Variants in LTBP1 observed in about 807,000 individuals in gnomAD.
LTBP1 encodes latent transforming growth factor beta binding protein 1, also known as latent-transforming growth factor beta-binding protein 1.
LTBP1 carries 129 observed loss-of-function variants against 207.6 expected under a neutral mutation model. That is an observed-to-expected ratio of 0.62 (90% CI 0.54 to 0.72). The LOEUF is 0.72. LTBP1 is among the 30% of genes least tolerant of loss of function. The pLI is 0.00. For synonymous variants in LTBP1, 963 were observed against 833.7 expected (o/e 1.16, Z -2.67); for missense variants, 2,281 against 2,217.2 (o/e 1.03, Z -0.58).
chr2:33,203,077 T>C (rs1342436232), intron 7 of LTBP1, among the ~76,000 whole-genome samples: 1 of 152,264 alleles, frequency 6.6e-6, no homozygotes, highest in Non-Finnish European at 1.5e-5. Flanking sequence ...CTGAGTCTCT[T>C]GTGGCTCTAA....
chr2:33,391,214 G>T (rs895923902), intron 32 of LTBP1, among the ~76,000 whole-genome samples: 2 of 152,006 alleles, frequency 1.3e-5, no homozygotes, highest in Non-Finnish European at 2.9e-5. Flanking sequence ...GCCAGGAGCA[G>T]TGCCAGCCTC....
At chr2:33,234,944 A>T (rs1477917103) in intron 9 of LTBP1, among the ~76,000 whole-genome samples, 1 of 152,148 alleles carries the variant, frequency 6.6e-6, no homozygotes, top group Non-Finnish European at 1.5e-5. Context: ...AACCATAAAA[A>T]CCCTAGAAGA....
intron 3 of LTBP1, among the ~76,000 whole-genome samples, chr2:33,105,176 C>G (rs1044968277): frequency 6.6e-6 from 1 of 152,174 alleles, no homozygotes; most frequent in Non-Finnish European, 1.5e-5. Context: ...CTGGGAAATA[C>G]TGAGGGTTCA....
At chr2:33,027,350 T>C (rs1201002934) in intron 3 of LTBP1, among the ~76,000 whole-genome samples, 1 of 152,228 alleles carries the variant, frequency 6.6e-6, no homozygotes, top group African/African-American at 2.4e-5. Context: ...TTACCATTTT[T>C]GGTTTGTGGT....
intron 5 of LTBP1, among the ~76,000 whole-genome samples, chr2:33,185,726 C>T (rs1558775068): frequency 6.6e-6 from 1 of 152,002 alleles, no homozygotes; most frequent in African/African-American, 2.4e-5. Flanking sequence ...CATTCATGAC[C>T]CTAGCAAGAA....
At chr2:33,371,961 G>A (rs2095073307) in intron 31 of LTBP1, among the ~76,000 whole-genome samples, 1 of 152,204 alleles carries the variant, frequency 6.6e-6, no homozygotes, top group South Asian at 2.1e-4. Context: ...TACTGTGTAT[G>A]CTACTTGCCC....
intron 2 of LTBP1, among the ~76,000 whole-genome samples, chr2:32,966,008 G>A (rs556331165): frequency 5.9e-5 from 9 of 152,236 alleles, no homozygotes; most frequent in Admixed American, 5.2e-4. Flanking sequence ...TGTCATCAGT[G>A]TTTTGGATTT....
At chr2:33,094,558 T>G (rs2079286797) in intron 3 of LTBP1, among the ~76,000 whole-genome samples, 1 of 152,216 alleles carries the variant, frequency 6.6e-6, no homozygotes, top group African/African-American at 2.4e-5. Flanking sequence ...ACAACTGGCC[T>G]CCTTCAAGAA....
chr2:33,190,697 G>A (rs950112611), intron 7 of LTBP1, among the ~76,000 whole-genome samples: 2 of 152,172 alleles, frequency 1.3e-5, no homozygotes, highest in Non-Finnish European at 2.9e-5. Flanking sequence ...GCAAATATTA[G>A]CTTAGAGAAT....
At chr2:33,065,565 G>GA (rs367546891) in intron 3 of LTBP1, among the ~76,000 whole-genome samples, 15,543 of 146,840 alleles carry the variant, frequency 0.11, 952 homozygotes, top group Non-Finnish European at 0.15. Flanking sequence ...TTCTCTACAG[G>GA]AAAAAAAAAA....
At chr2:33,232,689 C>G (rs981864208) in intron 9 of LTBP1, among the ~76,000 whole-genome samples, 3 of 152,108 alleles carry the variant, frequency 2.0e-5, no homozygotes, top group African/African-American at 7.2e-5. Flanking sequence ...AAGTACATCT[C>G]AAATTATTTA....
At chr2:33,292,995 C>T (rs1184775297) in intron 19 of LTBP1, among the ~76,000 whole-genome samples, 165 bp from the exon 20 acceptor site, 1 of 152,190 alleles carries the variant, frequency 6.6e-6, no homozygotes, top group Non-Finnish European at 1.5e-5. Flanking sequence ...CCATTTAGCT[C>T]ACGACAAGCT....
At chr2:33,281,645 G>A (rs577774566) in intron 19 of LTBP1, among the ~76,000 whole-genome samples, 13 of 152,268 alleles carry the variant, frequency 8.5e-5, no homozygotes, top group East Asian at 3.9e-4. Context: ...TAGCTGGTAC[G>A]GAGAGCTCCG....
chr2:33,139,944 A>G (rs1474020634), intron 5 of LTBP1, among the ~76,000 whole-genome samples: 1 of 152,232 alleles, frequency 6.6e-6, no homozygotes, highest in Non-Finnish European at 1.5e-5. Flanking sequence ...TTACTCTTTG[A>G]GAATTTACTA....
chr2:33,019,206 A>G (rs760139733), intron 2 of LTBP1, among the ~76,000 whole-genome samples: 2 of 152,080 alleles, frequency 1.3e-5, no homozygotes, highest in Non-Finnish European at 2.9e-5. Flanking sequence ...GTAAAAGGTG[A>G]GCTGACAGCA....
At chr2:33,195,750 C>G (rs1376602474) in intron 7 of LTBP1, among the ~76,000 whole-genome samples, 1 of 152,184 alleles carries the variant, frequency 6.6e-6, no homozygotes, top group Non-Finnish European at 1.5e-5. Flanking sequence ...GAAAGCAGTT[C>G]TAGCATGGGT....
intron 3 of LTBP1, among the ~76,000 whole-genome samples, chr2:33,074,752 C>T (rs1467405118): frequency 5.9e-5 from 9 of 152,134 alleles, no homozygotes; most frequent in Non-Finnish European, 1.5e-5. Context: ...CGCCTGTAGT[C>T]CCTGCTAGTC....
intron 3 of LTBP1, among the ~76,000 whole-genome samples, chr2:33,085,620 G>C (rs2078702178): frequency 6.6e-6 from 1 of 152,068 alleles, no homozygotes; most frequent in African/African-American, 2.4e-5. Flanking sequence ...ATAACCCTAT[G>C]ACACATTTAT....
chr2:33,138,214 G>A (rs1299207350), intron 5 of LTBP1, among the ~76,000 whole-genome samples: 3 of 152,126 alleles, frequency 2.0e-5, no homozygotes, highest in African/African-American at 2.4e-5. Flanking sequence ...AGGTATTTTC[G>A]CATGACTATT....
Sources: gnomAD v4.1 joint callset for allele counts (sites outside exome capture counted in the v4.1 genomes callset) on GRCh38, gnomAD v4.1.1 for gene constraint, MANE v1.5 for transcripts, NCBI Gene and HGNC (gene_info 2026-07-23, HGNC 2026-07-21) for gene names.